Variants in NT5C1B observed in about 807,000 individuals in gnomAD.
NT5C1B encodes 5'-nucleotidase, cytosolic IB.
NT5C1B carries 44 observed loss-of-function variants against 57.8 expected under a neutral mutation model. That is an observed-to-expected ratio of 0.76 (90% confidence interval 0.60 to 0.98). NT5C1B has a LOEUF of 0.98. Ranked by LOEUF, NT5C1B falls within the 50% of genes least tolerant of loss-of-function variation. The probability of loss-of-function intolerance (pLI) is 0.00; values close to 1 mark genes in which losing one functional copy is unlikely to be tolerated. For synonymous variants in NT5C1B, 284 were observed against 282.6 expected (o/e 1.00, Z -0.05); for missense variants, 742 against 719.5 (o/e 1.03, Z -0.36).
chr2:18,567,183 T>C (rs912288569), intron 8 of NT5C1B, among the ~76,000 whole-genome samples: 8 of 152,102 alleles, frequency 5.3e-5, no homozygotes, highest in African/African-American at 1.9e-4. Flanking sequence ...CCATCCTTGA[T>C]GGTACAGGTG....
At chr2:18,563,778 T>C in exon 9 of NT5C1B, 1 of 1,507,704 alleles carries the variant, frequency 6.6e-7, no homozygotes, top group East Asian at 2.3e-5. Flanking sequence ...ATCACCACTT[T>C]ATTTCTCCTC....
At chr2:18,563,218 C>A (rs1478789684) in exon 9 of NT5C1B, 1 of 152,216 alleles carries the variant, frequency 6.6e-6, no homozygotes, top group South Asian at 2.1e-4. Flanking sequence ...TAAGGCTTAT[C>A]TTAGAAAGTA....
In NT5C1B at chr2:18,576,622, A is replaced by G. The variant is rs1354753006; in HGVS notation, c.1144+151T>C. 12 of 1,357,354 alleles carry G rather than the reference A, an allele frequency of 8.8e-6. 1 individual carries two copies. Among genetic ancestry groups the G allele is most frequent in the South Asian group, 7.2e-5 (5 of 69,768 alleles). The allele number at this position is 1,357,354 out of a possible 1,614,324, so 84.1% of individuals were successfully genotyped here. On this transcript the variant is annotated intron_variant, in intron 7 of 8. Coordinates refer to ENST00000304081, the Ensembl canonical transcript of NT5C1B. Reference sequence around the variant, plus strand: ...CCATTTCCAGGAAAGTCAAAGCTCTAAAGGACAGACTTAAGTGTTGCCCCA... The same window carrying G: ...CCATTTCCAGGAAAGTCAAAGCTCTGAAGGACAGACTTAAGTGTTGCCCCA...
chr2:18,584,641 A>G lies in NT5C1B; in HGVS notation c.596T>C (p.Leu199Pro). The change falls in exon 4 of 9, where the codon CTG becomes CCG. Residue 199 changes from leucine (L) to proline (P), a missense_variant. By Grantham distance (98) the Leu-to-Pro change is moderately conservative. Coordinates refer to ENST00000304081, the Ensembl canonical transcript of NT5C1B. The surrounding 1 kb of genome is among the most constrained non-coding windows in gnomAD (Gnocchi z 5.8). ...CTGCTCGGACAGAGAGTTGCGGTCC[A>G]GCTGGGTGGAGGCGGGGTAGATCCC... The G allele has an allele frequency of 1.2e-6, 2 of 1,613,108 alleles. No homozygotes were observed.
At chr2:18,586,601 G>T in intron 2 of NT5C1B, 3 of 782,226 alleles carry the variant, frequency 3.8e-6, no homozygotes, top group South Asian at 2.2e-5. Flanking sequence ...CTATGTGGGG[G>T]TCCACTTGAA....
Position 18,588,307 on chromosome 2 carries a change from G to A in NT5C1B, c.31-715C>T, listed in dbSNP as rs527397054. Among the ~76,000 whole-genome samples, 106 of 152,312 alleles carry A rather than the reference G, an allele frequency of 7.0e-4. 1 individual carries two copies. Among genetic ancestry groups the A allele is most frequent in the African/African-American group, 1.9e-3 (79 of 41,556 alleles). ...TATTATTTGAACTGTTTCATGCTAA[G>A]TAAGTAGCTGCAATGTGATCAAGAT... On this transcript the variant is annotated intron_variant, in intron 1 of 8. Transcript: ENST00000304081.
At chr2:18,581,437 T>C (rs1258531661) in intron 6 of NT5C1B, among the ~76,000 whole-genome samples, 2 of 146,768 alleles carry the variant, frequency 1.4e-5, no homozygotes, top group Non-Finnish European at 3.0e-5. Context: ...TATTCAGAGG[T>C]TTTTTTTTTA....
At position 18,576,196 on chromosome 2, in the gene NT5C1B, C is replaced by T. The variant is rs369771689; in HGVS notation, c.1317G>A (p.Lys439=). ...TCATTGAACCTACCTGAGCAAGAGG[C>T]TTACTTTCACATAATGTATCATACT... The change falls in exon 8 of 9, where the codon AAG becomes AAA. Residue 439 remains lysine, a synonymous_variant. Transcript: ENST00000304081. The T allele has an allele frequency of 1.9e-6, 3 of 1,611,184 alleles. No homozygotes were observed. In the African/African-American group the frequency reaches 4.0e-5, roughly 22 times the overall value.
Position 18,584,009 on chromosome 2 carries a change from G to C in NT5C1B, c.891+79C>G, listed in dbSNP as rs1431278102. On this transcript the variant is annotated intron_variant, in intron 5 of 8. Coordinates refer to ENST00000304081, the Ensembl canonical transcript of NT5C1B. The surrounding 1 kb of genome is among the most constrained non-coding windows in gnomAD (Gnocchi z 5.8). ...GGGCTAGGAATGATCTGGGAAATTG[G>C]ATGCCCTCCCAAGGGTTGGCCTGGG... 6.2e-7 allele frequency: 1 copy of C among 1,610,738 alleles called. No individual in the cohort carries two copies. Among genetic ancestry groups the C allele is most frequent in the Admixed American group, 1.7e-5 (1 of 60,004 alleles).
At chr2:18,581,807 G>A (rs996010176) in intron 6 of NT5C1B, among the ~76,000 whole-genome samples, 5 of 152,080 alleles carry the variant, frequency 3.3e-5, no homozygotes, top group Non-Finnish European at 5.9e-5. Flanking sequence ...CCTGGCAGAC[G>A]GAGATACGAA....
exon 9 of NT5C1B, chr2:18,564,013 C>T: frequency 1.2e-6 from 2 of 1,614,158 alleles, no homozygotes; most frequent in Non-Finnish European, 1.7e-6. Context: ...GGCTGCACTC[C>T]TAGCTGTAAC....
intron 6 of NT5C1B, among the ~76,000 whole-genome samples, chr2:18,582,626 T>A (rs1666277683): frequency 6.6e-6 from 1 of 152,164 alleles, no homozygotes; most frequent in Non-Finnish European, 1.5e-5. Flanking sequence ...GGACCTAGGA[T>A]TAAGACTTTG....
At chr2:18,585,218 C>T (rs1034782741) in intron 3 of NT5C1B, 8 of 765,194 alleles carry the variant, frequency 1.0e-5, no homozygotes, top group African/African-American at 8.5e-5. Context: ...GCATTTCACA[C>T]GTTTTTATTT....
rs1666004986 is a variant in NT5C1B, at chr2:18,579,621, C to T, written c.1022-2726G>A. On this transcript the variant is annotated intron_variant, in intron 6 of 8. Coordinates refer to ENST00000304081, the Ensembl canonical transcript of NT5C1B. ...ATTGAAATGGGACCCCTTTCTTTCACCAGATACAAAAATTAACTCAAGATG... is the reference window on the plus strand; with the variant it reads ...ATTGAAATGGGACCCCTTTCTTTCATCAGATACAAAAATTAACTCAAGATG... Among the ~76,000 whole-genome samples, 2 of 152,022 alleles carry T rather than the reference C, an allele frequency of 1.3e-5. 1 individual carries two copies. Among genetic ancestry groups the T allele is most frequent in the South Asian group, 4.1e-4 (2 of 4,824 alleles).
At chr2:18,589,304 TTC>T in intron 1 of NT5C1B, 133 bp downstream of exon 1, 1 of 1,211,010 alleles carries the variant, frequency 8.3e-7, no homozygotes, top group Non-Finnish European at 1.2e-6. Flanking sequence ...ATTCTCTCCC[TTC>T]TCTTTTCCTC....
At chr2:18,572,640 A>G (rs61077299) in intron 8 of NT5C1B, among the ~76,000 whole-genome samples, 29,769 of 152,134 alleles carry the variant, frequency 0.2, 5,982 homozygotes, top group African/African-American at 0.51. Context: ...ATATTTGAAC[A>G]GGTACTTCAC....
At chr2:18,568,285 G>A (rs1265680551) in intron 8 of NT5C1B, among the ~76,000 whole-genome samples, 1 of 152,134 alleles carries the variant, frequency 6.6e-6, no homozygotes, top group Non-Finnish European at 1.5e-5. Flanking sequence ...TCTTTAAAGT[G>A]CTGGGAGAAA....
rs976547560 is a variant in NT5C1B, at chr2:18,584,435, T to G, written c.723+79A>C. On this transcript the variant is annotated intron_variant, in intron 4 of 8. Transcript: ENST00000304081. The surrounding 1 kb of genome is among the most constrained non-coding windows in gnomAD (Gnocchi z 5.8). ...GGGAGGAGAAGCGGGAGGACCTCCC[T>G]GCGCAGTGGAGAGGAGGGCGGCTGG... 6.5e-7 allele frequency: 1 copy of G among 1,549,360 alleles called. No homozygotes were observed. Among genetic ancestry groups the G allele is most frequent in the Non-Finnish European group, 8.7e-7 (1 of 1,149,122 alleles).
chr2:18,587,270 A>T (rs532745871), intron 2 of NT5C1B: 353 of 1,497,288 alleles, frequency 2.4e-4, no homozygotes, highest in Non-Finnish European at 2.9e-4. Context: ...TAGGCTGAGC[A>T]GAGGAGCCTG....
Sources: gnomAD v4.1 joint callset for allele counts (sites outside exome capture counted in the v4.1 genomes callset) on GRCh38, gnomAD v4.1.1 for gene constraint, Gnocchi (gnomAD v3.1) non-coding constraint, MANE v1.5 for transcripts, NCBI Gene and HGNC (gene_info 2026-07-23, HGNC 2026-07-21) for gene names.